ASPH: variants seen among roughly 807,000 people sequenced by gnomAD.
The protein encoded by ASPH is aspartate beta-hydroxylase, also known as aspartyl/asparaginyl beta-hydroxylase.
In ASPH, 100 loss-of-function variants were observed where a neutral mutation model predicts 118.4. The ratio of observed to expected loss-of-function variants is 0.84; its 90% CI spans 0.72 to 1.00. ASPH has a LOEUF of 1.00. Ranked by LOEUF, ASPH falls within the 50% of genes least tolerant of loss-of-function variation. The probability of loss-of-function intolerance (pLI) is 0.00; values close to 1 mark genes in which losing one functional copy is unlikely to be tolerated. For missense variants in ASPH, 920 were observed against 919.5 expected, an observed-to-expected ratio of 1.00 and a Z score of -0.01; for synonymous variants, 315 against 325.6, an observed-to-expected ratio of 0.97 and a Z score of 0.35.
rs1400235147 is a variant in ASPH, at chr8:61,637,867, G to C, written c.889+80C>G. The C allele has an allele frequency of 2.2e-6, 3 of 1,371,232 alleles. No homozygotes were observed. The African/African-American group carries it at 4.3e-5, about 20-fold the overall frequency. 84.9% of individuals were successfully genotyped at this position (1,371,232 alleles called of 1,614,324 possible). On this transcript the variant is annotated intron_variant, in intron 12 of 24. Transcript: ENST00000379454. ...CTATGCACTGTATAGACAGCAAGTA[G>C]GAAATGTTCGATAAATAACTGAATA...
intron 3 of ASPH, among the ~76,000 whole-genome samples, chr8:61,674,922 A>T (rs1824507178): frequency 6.6e-6 from 1 of 152,194 alleles, no homozygotes; most frequent in African/African-American, 2.4e-5. Context: ...GAAGAGATTT[A>T]AAACCACGGA....
intron 14 of ASPH, among the ~76,000 whole-genome samples, chr8:61,593,305 T>C (rs780733306): frequency 1.3e-5 from 2 of 152,136 alleles, no homozygotes; most frequent in Non-Finnish European, 2.9e-5. Context: ...ATCTACTCTA[T>C]AGGTATTACC....
At chr8:61,712,717 G>T (rs1838335035) in intron 1 of ASPH, among the ~76,000 whole-genome samples, 1 of 152,142 alleles carries the variant, frequency 6.6e-6, no homozygotes, top group Non-Finnish European at 1.5e-5. Flanking sequence ...AATAGTTATG[G>T]GGTAGGTCTA....
In ASPH at chr8:61,668,822, C is replaced by T. The variant is rs565445004; in HGVS notation, c.322+12146G>A. 2.6e-5 allele frequency among the ~76,000 whole-genome samples: 4 copies of T among 152,290 alleles called. No individual in the cohort carries two copies. The South Asian group carries it at 6.2e-4, about 24-fold the overall frequency. ...ATGTACATACATTTTACATTTTTCA[C>T]CCACTCTAAAAACTTTGCAATAGCT... On this transcript the variant is annotated intron_variant, in intron 3 of 24. Coordinates refer to ENST00000379454, the MANE Select transcript of ASPH (RefSeq NM_004318.4).
chr8:61,660,404 A>T (rs1030314647), intron 3 of ASPH: 3 of 152,016 alleles, frequency 2.0e-5, no homozygotes, highest in African/African-American at 7.3e-5. Context: ...TCCTTAGAGG[A>T]CTCCAATTTT....
At chr8:61,629,405 G>T (rs1854529072) in intron 13 of ASPH, among the ~76,000 whole-genome samples, 3 of 152,196 alleles carry the variant, frequency 2.0e-5, no homozygotes, top group Non-Finnish European at 2.9e-5. Context: ...TATGCTGTCA[G>T]ATTGCTACAA....
chr8:61,554,006 G>T (rs1015714516), intron 19 of ASPH, among the ~76,000 whole-genome samples: 1 of 152,202 alleles, frequency 6.6e-6, no homozygotes, highest in Admixed American at 6.5e-5. Context: ...GAGCTGTGGC[G>T]AGGGCTTCTA....
At position 61,695,801 on chromosome 8, in the gene ASPH, C is replaced by A. The variant is rs189780364; in HGVS notation, c.104-11613G>T. Among the ~76,000 whole-genome samples, 765 of 152,318 alleles carry A rather than the reference C, an allele frequency of 5.0e-3. 6 individuals are homozygous for A. Among genetic ancestry groups the A allele is most frequent in the African/African-American group, 0.018 (733 of 41,558 alleles). On this transcript the variant is annotated intron_variant, in intron 1 of 24. Transcript: ENST00000379454. ...TAATCACTTGTGAAATAAGTGGATA[C>A]ATTCCTTCCCAAATCCTTGATATGG... is the stretch of plus-strand genomic sequence containing the variant.
intron 13 of ASPH, among the ~76,000 whole-genome samples, chr8:61,626,964 A>T (rs941286088): frequency 2.0e-5 from 3 of 152,134 alleles, no homozygotes; most frequent in Non-Finnish European, 4.4e-5. Flanking sequence ...AAATCTTGAT[A>T]TAATTTTTAA....
chr8:61,518,206 T>C, intron 22 of ASPH, 83 bp from the exon 23 acceptor site: 2 of 1,144,542 alleles, frequency 1.7e-6, no homozygotes, highest in Non-Finnish European at 2.6e-6. Context: ...GAGCTATATG[T>C]CATCCTCACT....
intron 13 of ASPH, among the ~76,000 whole-genome samples, chr8:61,629,086 A>G (rs925736745): frequency 1.1e-4 from 16 of 152,122 alleles, no homozygotes; most frequent in Non-Finnish European, 2.1e-4. Context: ...GATGGATGCA[A>G]TGGAGTGAAA....
chr8:61,579,079 A>T, intron 15 of ASPH: 1 of 1,610,700 alleles, frequency 6.2e-7, no homozygotes, highest in Admixed American at 1.7e-5. Context: ...ATCAAGTATG[A>T]GGAGCTGCAG....
chr8:61,621,833 T>A (rs1465977606), intron 13 of ASPH, among the ~76,000 whole-genome samples: 1 of 152,198 alleles, frequency 6.6e-6, no homozygotes, highest in East Asian at 1.9e-4. Flanking sequence ...CCCTGAAAAT[T>A]ACAAAAGTAC....
At chr8:61,638,707 A>G (rs1297924114) in intron 10 of ASPH, among the ~76,000 whole-genome samples, 2 of 152,194 alleles carry the variant, frequency 1.3e-5, no homozygotes, top group Non-Finnish European at 2.9e-5. Context: ...TGCTTTGTTT[A>G]GGAAACAATT....
Position 61,501,795 on chromosome 8 carries a change from CCTTAA to C in ASPH, c.*1559_*1563del, listed in dbSNP as rs1417612692. 9.3e-4 allele frequency: 141 copies of C among 152,270 alleles called. No homozygotes were observed. The highest frequency in any genetic ancestry group is 3.4e-3 in the Middle Eastern group (1 of 294). 9.4% of individuals were successfully genotyped at this position (152,270 alleles called of 1,614,324 possible). On this transcript the variant is annotated 3_prime_UTR_variant, in exon 25 of 25. Coordinates refer to ENST00000379454, the MANE Select transcript of ASPH (RefSeq NM_004318.4). Reference sequence around the variant, plus strand: ...AAACTCATCTACTGGAAGCTAATCTCCTTAAGGTCAAGCAAAAAGGGTCAATTTCA... The same window carrying C: ...AAACTCATCTACTGGAAGCTAATCTCGGTCAAGCAAAAAGGGTCAATTTCA...
In ASPH at chr8:61,503,162, GGT is replaced by G; in HGVS notation, c.*195_*196del. ...GCTGTCATGAGATGACACACAGCAG[GGT>G]GTTTCCTAAATGAATTGCAGCGAGG... is the stretch of plus-strand genomic sequence containing the variant. On this transcript the variant is annotated 3_prime_UTR_variant, in exon 25 of 25. Transcript: ENST00000379454. 1 of 488,448 alleles carries G rather than the reference GGT, an allele frequency of 2.0e-6. No homozygotes were observed. Among genetic ancestry groups the G allele is most frequent in the Non-Finnish European group, 3.4e-6 (1 of 293,804 alleles). The allele number at this position is 488,448 out of a possible 1,614,324, so 30.3% of individuals were successfully genotyped here.
At chr8:61,536,100 C>T (rs1025365587) in intron 21 of ASPH, among the ~76,000 whole-genome samples, 1 of 141,372 alleles carries the variant, frequency 7.1e-6, no homozygotes, top group South Asian at 2.2e-4. Flanking sequence ...AGTGTAGTGG[C>T]ATGCTCTTGG....
intron 5 of ASPH, among the ~76,000 whole-genome samples, chr8:61,649,218 AGGATTTGCTGAT>A (rs1171078452): frequency 1.3e-5 from 2 of 152,190 alleles, no homozygotes; most frequent in African/African-American, 4.8e-5. Flanking sequence ...CAATGCTGAC[AGGATTTGCTGAT>A]GGATTAGATG....
intron 3 of ASPH, among the ~76,000 whole-genome samples, chr8:61,666,624 CTA>C (rs1032498124): frequency 2.0e-5 from 3 of 152,124 alleles, no homozygotes; most frequent in Non-Finnish European, 4.4e-5. Context: ...ACTAAAAGCA[CTA>C]TGTCTTTCTA....
Sources: gnomAD v4.1 joint callset for allele counts (sites outside exome capture counted in the v4.1 genomes callset) on GRCh38, gnomAD v4.1.1 for gene constraint, MANE v1.5 for transcripts, NCBI Gene and HGNC (gene_info 2026-07-23, HGNC 2026-07-21) for gene names.